Variants in UNC5D observed in about 807,000 individuals in gnomAD.
UNC5D encodes netrin receptor UNC5D.
UNC5D carries 39 observed loss-of-function variants against 105.4 expected under a neutral mutation model. That is an observed-to-expected ratio of 0.37 (90% CI 0.29 to 0.48). The LOEUF is 0.48. UNC5D is among the 20% of genes least tolerant of loss of function. The pLI is 0.98. For synonymous variants in UNC5D, 452 were observed against 450.4 expected (o/e 1.00, Z -0.04); for missense variants, 991 against 1,202.4 (o/e 0.82, Z 2.60).
intron 16 of UNC5D, among the ~76,000 whole-genome samples, chr8:35,784,861 G>A (rs2131791210): frequency 6.6e-6 from 1 of 152,162 alleles, no homozygotes; most frequent in Non-Finnish European, 1.5e-5. Flanking sequence ...TACCTCCATT[G>A]ATCAGAATTT....
intron 1 of UNC5D, among the ~76,000 whole-genome samples, chr8:35,286,879 CA>C (rs1806639671): frequency 6.6e-6 from 1 of 152,180 alleles, no homozygotes; most frequent in African/African-American, 2.4e-5. Flanking sequence ...TGCCCAACTA[CA>C]GGTTCCAAAC....
intron 11 of UNC5D, among the ~76,000 whole-genome samples, chr8:35,747,997 T>A (rs992755876): frequency 6.6e-6 from 1 of 152,204 alleles, no homozygotes; most frequent in Admixed American, 6.5e-5. Context: ...TGGCAAAAAA[T>A]AAATGTTTTC....
At chr8:35,624,006 G>A (rs1821532967) in intron 4 of UNC5D, among the ~76,000 whole-genome samples, 1 of 152,156 alleles carries the variant, frequency 6.6e-6, no homozygotes, top group South Asian at 2.1e-4. Context: ...CGTGAACCCG[G>A]GAGGCGGAGC....
In UNC5D at chr8:35,731,583, C is replaced by T. The variant is rs186662315; in HGVS notation, c.1766+487C>T. On this transcript the variant is annotated intron_variant, in intron 11 of 16. Coordinates refer to ENST00000404895, the MANE Select transcript of UNC5D (RefSeq NM_080872.4). ...AACTACTGGCTGAAATGAAACCATA[C>T]ATGACTCCACAGTTTTATGGTCACC... Among the ~76,000 whole-genome samples the T allele has an allele frequency of 2.8e-4, 43 of 152,120 alleles. 1 individual carries two copies. The highest frequency in any genetic ancestry group is 2.1e-3 in the Admixed American group (32 of 15,266).
chr8:35,720,672 A>G (rs1828527031), intron 8 of UNC5D, among the ~76,000 whole-genome samples: 1 of 152,342 alleles, frequency 6.6e-6, no homozygotes, highest in South Asian at 2.1e-4. Context: ...TTATCAACTC[A>G]GCCATGGTTA....
At chr8:35,405,640 G>A (rs1168098952) in intron 1 of UNC5D, among the ~76,000 whole-genome samples, 2 of 151,714 alleles carry the variant, frequency 1.3e-5, no homozygotes, top group Non-Finnish European at 2.9e-5. Flanking sequence ...TGGTAATGAC[G>A]GTTCCCCTAA....
rs142099294 is a variant in UNC5D, at chr8:35,523,316, T to A, written c.104-25976T>A. On this transcript the variant is annotated intron_variant, in intron 1 of 16. Transcript: ENST00000404895. The stretch of plus-strand genomic sequence containing the variant: ...CAGGCTGGTCTCGAATTCCTGGACA[T>A]AAGCGTTCTTCCCACTTCGACCTCC... Among the ~76,000 whole-genome samples, 443 of 152,156 alleles carry A rather than the reference T, an allele frequency of 2.9e-3. 1 individual carries two copies. The highest frequency in any genetic ancestry group is 9.8e-3 in the African/African-American group (406 of 41,514).
At chr8:35,670,731 G>T (rs1824734419) in intron 4 of UNC5D, among the ~76,000 whole-genome samples, 1 of 152,012 alleles carries the variant, frequency 6.6e-6, no homozygotes, top group Non-Finnish European at 1.5e-5. Flanking sequence ...CAAGGGGAGG[G>T]AGAGCATTAG....
chr8:35,465,261 A>G (rs139977614), intron 1 of UNC5D, among the ~76,000 whole-genome samples: 2 of 152,294 alleles, frequency 1.3e-5, no homozygotes, highest in African/African-American at 4.8e-5. Context: ...TTGTGGTGGC[A>G]TGCACCTGTA....
At chr8:35,359,702 A>G (rs1157120049) in intron 1 of UNC5D, among the ~76,000 whole-genome samples, 1 of 152,242 alleles carries the variant, frequency 6.6e-6, no homozygotes, top group Non-Finnish European at 1.5e-5. Flanking sequence ...TATTCAAACT[A>G]AATTCTACAT....
At chr8:35,660,226 G>A (rs1295100543) in intron 4 of UNC5D, among the ~76,000 whole-genome samples, 2 of 152,178 alleles carry the variant, frequency 1.3e-5, no homozygotes, top group Non-Finnish European at 2.9e-5. Context: ...ACAGAGAAAA[G>A]GTGAAACATG....
At chr8:35,336,129 T>C (rs1400804565) in intron 1 of UNC5D, among the ~76,000 whole-genome samples, 1 of 152,152 alleles carries the variant, frequency 6.6e-6, no homozygotes, top group Non-Finnish European at 1.5e-5. Flanking sequence ...ATCAGTTTAA[T>C]AAGAGTTAGT....
chr8:35,777,438 C>G (rs1223577818), intron 16 of UNC5D, among the ~76,000 whole-genome samples: 1 of 152,116 alleles, frequency 6.6e-6, no homozygotes, highest in Non-Finnish European at 1.5e-5. Flanking sequence ...AATGAAAAAC[C>G]TCATACAGTT....
chr8:35,411,157 C>T (rs114140206), intron 1 of UNC5D, among the ~76,000 whole-genome samples: 319 of 152,110 alleles, frequency 2.1e-3, no homozygotes, highest in African/African-American at 7.4e-3. Context: ...CAGGACAGTG[C>T]TATTCTAGCG....
intron 7 of UNC5D, among the ~76,000 whole-genome samples, chr8:35,691,536 T>A (rs1177978700): frequency 6.6e-6 from 1 of 152,112 alleles, no homozygotes; most frequent in Non-Finnish European, 1.5e-5. Context: ...AGAAGCAGAT[T>A]AGGAATTTTG....
chr8:35,783,615 G>A (rs1051003139), intron 16 of UNC5D, among the ~76,000 whole-genome samples: 4 of 152,248 alleles, frequency 2.6e-5, no homozygotes, highest in African/African-American at 9.6e-5. Flanking sequence ...TGAGCCCTGT[G>A]CCTTCCTTTC....
chr8:35,630,232 A>T (rs567104495), intron 4 of UNC5D, among the ~76,000 whole-genome samples: 4 of 152,224 alleles, frequency 2.6e-5, no homozygotes, highest in African/African-American at 9.6e-5. Flanking sequence ...GGCAAAGGTT[A>T]TATTTCAGCA....
At chr8:35,404,879 C>T (rs957226335) in intron 1 of UNC5D, among the ~76,000 whole-genome samples, 6 of 152,064 alleles carry the variant, frequency 3.9e-5, no homozygotes, top group Admixed American at 2.0e-4. Flanking sequence ...AGTGAGCCAC[C>T]GCGCCTGGGT....
intron 12 of UNC5D, among the ~76,000 whole-genome samples, chr8:35,749,222 A>C (rs369795863): frequency 9.9e-5 from 15 of 152,186 alleles, no homozygotes; most frequent in East Asian, 5.8e-4. Flanking sequence ...TGTGTGTATG[A>C]GTGCAAACAA....
Sources: allele counts gnomAD v4.1 joint callset (sites outside exome capture counted in the v4.1 genomes callset), GRCh38; gene constraint gnomAD v4.1.1; transcripts MANE v1.5; gene names NCBI Gene and HGNC (gene_info 2026-07-23, HGNC 2026-07-21).